CD99: variants seen among roughly 807,000 people sequenced by gnomAD.
The protein encoded by CD99 is CD99 antigen.
In CD99, 19 loss-of-function variants were observed where a neutral mutation model predicts 28.4. The ratio of observed to expected loss-of-function variants is 0.67; its 90% CI spans 0.47 to 0.98. The LOEUF is 0.98. Ranked by LOEUF, CD99 falls within the 50% of genes least tolerant of loss-of-function variation. CD99 has a pLI of 0.00. For missense variants in CD99, 283 were observed against 248.8 expected (o/e 1.14, Z -0.92); for synonymous variants, 103 against 92.1 (o/e 1.12, Z -0.67).
At chrX:2,739,974 T>C (rs2050124804) in intron 9 of CD99, among the ~76,000 whole-genome samples, 1 of 149,182 alleles carries the variant, frequency 6.7e-6, no homozygotes, top group Non-Finnish European at 1.5e-5. Context: ...TGCCTGTAAT[T>C]CCAGCTACTC....
intron 1 of CD99, among the ~76,000 whole-genome samples, chrX:2,700,916 C>T (rs779396350): frequency 8.0e-5 from 12 of 149,482 alleles, no homozygotes; most frequent in African/African-American, 2.7e-4. Flanking sequence ...CATCCACCCA[C>T]CCAACCATCC....
chrX:2,716,231 C>A (rs904812745), intron 2 of CD99, among the ~76,000 whole-genome samples: 7 of 152,114 alleles, frequency 4.6e-5, no homozygotes, highest in Non-Finnish European at 1.0e-4. Context: ...GTTGGTCAGG[C>A]TGGTTTCGAA....
chrX:2,705,351 A>G (rs972902000), intron 1 of CD99, among the ~76,000 whole-genome samples: 8 of 152,338 alleles, frequency 5.3e-5, no homozygotes, highest in South Asian at 2.1e-4. Context: ...TTCTGAGACT[A>G]TGACACTCTG....
At chrX:2,730,768 A>G (rs2049556841) in intron 8 of CD99, among the ~76,000 whole-genome samples, 1 of 152,072 alleles carries the variant, frequency 6.6e-6, no homozygotes, top group African/African-American at 2.4e-5. Context: ...GTCTCTACTA[A>G]AAATACAAGA....
intron 1 of CD99, among the ~76,000 whole-genome samples, chrX:2,694,708 G>A (rs1391641516): frequency 2.0e-5 from 3 of 151,906 alleles, no homozygotes; most frequent in South Asian, 2.1e-4. Flanking sequence ...AGCTGAGATC[G>A]TGTCACCGCA....
At chrX:2,717,443 T>G in intron 2 of CD99, 162 bp from the exon 3 acceptor site, 6 of 615,642 alleles carry the variant, frequency 9.7e-6, no homozygotes, top group South Asian at 4.3e-5. Context: ...GGCTCAAGAG[T>G]CGTTGTATAA....
intron 1 of CD99, among the ~76,000 whole-genome samples, chrX:2,710,160 A>G (rs311061): frequency 0.34 from 40,034 of 117,960 alleles, 5,595 homozygotes; most frequent in African/African-American, 0.42. Flanking sequence ...GTGGGGTGGA[A>G]CCTGGGAGGA....
At chrX:2,738,128 T>G in intron 8 of CD99, 72 bp from the exon 9 acceptor site, 5 of 1,378,960 alleles carry the variant, frequency 3.6e-6, no homozygotes, top group Non-Finnish European at 5.2e-6. Flanking sequence ...AGCCCAAGTG[T>G]TTTGTGTGTA....
rs995143742 is a variant in CD99 at position 2,741,172 on chromosome X, C to T, written c.*368C>T. ...TTACAAATCACGTGTCCATCGAGCA[C>T]GTCTGAAACCCCTGGTAGCCCCGAC... On this transcript the variant is annotated 3_prime_UTR_variant, in exon 10 of 10. Coordinates refer to ENST00000381192, the MANE Select transcript of CD99 (RefSeq NM_002414.5). 15 of 277,230 alleles carry T rather than the reference C, an allele frequency of 5.4e-5. No individual in the cohort carries two copies. Among genetic ancestry groups the T allele is most frequent in the African/African-American group, 8.7e-5 (4 of 46,028 alleles). 17.2% of individuals were successfully genotyped at this position (277,230 alleles called of 1,614,324 possible).
chrX:2,706,063 G>A (rs114577310), intron 1 of CD99, among the ~76,000 whole-genome samples: 190 of 142,876 alleles, frequency 1.3e-3, no homozygotes, highest in Non-Finnish European at 1.5e-3. Context: ...ACGTTAAAAA[G>A]AAAAAAAAAA....
chrX:2,740,678 T>A (rs1255973432), intron 9 of CD99, 101 bp from the exon 10 acceptor site: 1 of 1,183,726 alleles, frequency 8.4e-7, no homozygotes, highest in African/African-American at 1.5e-5. Flanking sequence ...ATTTTTCTTA[T>A]GCAGAAATAA....
At chrX:2,721,708 C>T (rs2049000537) in intron 5 of CD99, among the ~76,000 whole-genome samples, 1 of 152,076 alleles carries the variant, frequency 6.6e-6, no homozygotes, top group Non-Finnish European at 1.5e-5. Flanking sequence ...TTTTTCATGT[C>T]ATGTAATCAT....
chrX:2,717,347 CAAAA>C (rs111805240), intron 2 of CD99: 425 of 344,880 alleles, frequency 1.2e-3, no homozygotes, highest in South Asian at 2.2e-3. Context: ...GACTTGGTCT[CAAAA>C]AAAAAAAAAA....
In CD99 at chrX:2,710,018, C is replaced by T. The variant is rs144632369; in HGVS notation, c.68-4404C>T. Among the ~76,000 whole-genome samples the T allele has an allele frequency of 9.7e-3, 1,475 of 152,266 alleles. 24 individuals are homozygous for T. Among genetic ancestry groups the T allele is most frequent in the African/African-American group, 0.033 (1,368 of 41,544 alleles). ...GACATTTCCCATGTGAGGGAAGCAT[C>T]GAGATCATACTGTGTTTTCCCTGTG... On this transcript the variant is annotated intron_variant, in intron 1 of 9. Transcript: ENST00000381192.
intron 3 of CD99, among the ~76,000 whole-genome samples, chrX:2,718,517 G>C: frequency 6.6e-6 from 1 of 152,058 alleles, no homozygotes; most frequent in East Asian, 1.9e-4. Context: ...TACAGGCAGC[G>C]GCCACCACGC....
At chrX:2,704,954 A>G (rs180722984) in intron 1 of CD99, among the ~76,000 whole-genome samples, 14 of 152,280 alleles carry the variant, frequency 9.2e-5, no homozygotes, top group Non-Finnish European at 1.8e-4. Flanking sequence ...GGCTCAAGCA[A>G]TCCTCCCACC....
chrX:2,701,622 T>C (rs1330968836), intron 1 of CD99, among the ~76,000 whole-genome samples: 1 of 152,160 alleles, frequency 6.6e-6, no homozygotes, highest in East Asian at 1.9e-4. Flanking sequence ...GTAAGAGTGA[T>C]GATGGGGCAG....
At position 2,691,341 on chromosome X, in the gene CD99, C is replaced by G. The variant is rs900592189; in HGVS notation, c.-20C>G. On this transcript the variant is annotated 5_prime_UTR_variant, in exon 1 of 10. Transcript: ENST00000381192. ...CACGCCCTGCACTCCGGGACCGTCC[C>G]TGCGCGCTCTGGGCGCACCATGGCC... is the stretch of plus-strand genomic sequence containing the variant. The G allele has an allele frequency of 2.6e-6, 4 of 1,551,054 alleles. No individual in the cohort carries two copies. The highest frequency in any genetic ancestry group is 3.5e-6 in the Non-Finnish European group (4 of 1,158,900).
At chrX:2,716,630 G>A (rs1339608449) in intron 2 of CD99, among the ~76,000 whole-genome samples, 4 of 152,190 alleles carry the variant, frequency 2.6e-5, no homozygotes, top group African/African-American at 4.8e-5. Context: ...GTGCTGAGGC[G>A]TGAGAGGATT....
Sources: gnomAD v4.1 joint callset for allele counts (sites outside exome capture counted in the v4.1 genomes callset) on GRCh38, gnomAD v4.1.1 for gene constraint, MANE v1.5 for transcripts, NCBI Gene and HGNC (gene_info 2026-07-23, HGNC 2026-07-21) for gene names.